Variants in CASR observed in about 807,000 individuals in gnomAD.
CASR encodes the protein extracellular calcium-sensing receptor.
In CASR, 23 loss-of-function variants were observed where a neutral mutation model predicts 69.1. The ratio of observed to expected loss-of-function variants is 0.33; its 90% CI spans 0.24 to 0.47. The LOEUF (loss-of-function observed/expected upper bound fraction) is 0.47, where lower values mean the gene tolerates loss of function less well. Among genes scored for constraint, CASR ranks in the 20% least tolerant of loss-of-function variants. CASR has a pLI of 1.00. For synonymous variants in CASR, 541 were observed against 544.7 expected (o/e 0.99, Z 0.10); for missense variants, 924 against 1,356.1 (o/e 0.68, Z 5.00).
intron 4 of CASR, among the ~76,000 whole-genome samples, chr3:122,264,488 C>A (rs2074664418): frequency 3.9e-5 from 6 of 152,166 alleles, no homozygotes; most frequent in Admixed American, 3.9e-4. Flanking sequence ...AGTGGGAAGT[C>A]AGGATGCCAT....
At chr3:122,261,408 A>C in intron 3 of CASR, 120 bp from the exon 4 acceptor site, 1 of 851,746 alleles carries the variant, frequency 1.2e-6, no homozygotes, top group Non-Finnish European at 2.0e-6. Context: ...AGTGAACAGC[A>C]TAGTTGATAA....
rs138296606 is a variant in CASR, at chr3:122,217,990, C to T, written c.-243+34178C>T. ...GTTGTAGGAGACTAAACAAGGCAGG[C>T]ATGGTCTCATTGCAGACCCTGTTAA... On this transcript the variant is annotated intron_variant, in intron 1 of 6. Coordinates refer to ENST00000639785, the MANE Select transcript of CASR (RefSeq NM_000388.4). 2.5e-3 allele frequency among the ~76,000 whole-genome samples: 383 copies of T among 152,126 alleles called. 1 individual carries two copies. The highest frequency in any genetic ancestry group is 8.9e-3 in the African/African-American group (368 of 41,524).
intron 3 of CASR, chr3:122,257,680 A>G (rs541066288): frequency 6.5e-6 from 2 of 308,090 alleles, no homozygotes; most frequent in Non-Finnish European, 6.0e-6. Context: ...CTATTCCTTT[A>G]GTAAATTTTT....
intron 1 of CASR, among the ~76,000 whole-genome samples, chr3:122,201,223 A>G (rs1350787635): frequency 6.6e-6 from 1 of 152,118 alleles, no homozygotes; most frequent in Non-Finnish European, 1.5e-5. Flanking sequence ...TGTTGCCTTC[A>G]AGCATCTGTT....
At chr3:122,221,390 A>G (rs568947016) in intron 1 of CASR, among the ~76,000 whole-genome samples, 1 of 152,232 alleles carries the variant, frequency 6.6e-6, no homozygotes, top group East Asian at 1.9e-4. Flanking sequence ...CAGCTCTAGG[A>G]CACCCCTGCC....
chr3:122,270,618 TTATAA>T (rs1456246312), intron 4 of CASR, among the ~76,000 whole-genome samples: 1 of 152,226 alleles, frequency 6.6e-6, no homozygotes, highest in Non-Finnish European at 1.5e-5. Flanking sequence ...CTTTCTTTTC[TTATAA>T]TATAGACATT....
intron 4 of CASR, among the ~76,000 whole-genome samples, chr3:122,265,964 A>G (rs557741981): frequency 1.3e-5 from 2 of 152,300 alleles, no homozygotes; most frequent in East Asian, 3.9e-4. Flanking sequence ...ATAAGAAAAC[A>G]TGGCTGGCGT....
chr3:122,211,304 T>C (rs2074062733), intron 1 of CASR, among the ~76,000 whole-genome samples: 1 of 152,112 alleles, frequency 6.6e-6, no homozygotes, highest in African/African-American at 2.4e-5. Flanking sequence ...AACAGACAAC[T>C]TACAGAATGG....
chr3:122,266,287 G>C (rs183026961), intron 4 of CASR, among the ~76,000 whole-genome samples: 45 of 151,986 alleles, frequency 3.0e-4, no homozygotes, highest in African/African-American at 8.7e-4. Flanking sequence ...GCATAAAAGA[G>C]TATGTTAGCT....
Position 122,284,112 on chromosome 3 carries a change from G to T in CASR, c.2158G>T (p.Gly720Trp). The change falls in exon 7 of 7, where the codon GGG becomes TGG. Residue 720 changes from glycine (G) to tryptophan (W), a missense_variant. By Grantham distance (184) the Gly-to-Trp change is radical. This residue lies in a region of CASR where 184 missense variants were observed against 278.8 expected (regional missense o/e 0.66). Coordinates refer to ENST00000639785, the MANE Select transcript of CASR (RefSeq NM_000388.4). Reference sequence around the variant, plus strand: ...CACCAGCTTCCACCGCAAGTGGTGGGGGCTCAACCTGCAGTTCCTGCTGGT... The same window carrying T: ...CACCAGCTTCCACCGCAAGTGGTGGTGGCTCAACCTGCAGTTCCTGCTGGT... Reference protein sequence around the residue: ...IPTSFHRKWWGLNLQFLLVFL... With the variant: ...IPTSFHRKWWWLNLQFLLVFL... The T allele has an allele frequency of 6.2e-7, 1 of 1,614,070 alleles. No individual in the cohort carries two copies. The highest frequency in any genetic ancestry group is 8.5e-7 in the Non-Finnish European group (1 of 1,179,966).
At chr3:122,232,000 G>A (rs921222268) in intron 1 of CASR, among the ~76,000 whole-genome samples, 2 of 152,128 alleles carry the variant, frequency 1.3e-5, no homozygotes, top group African/African-American at 2.4e-5. Flanking sequence ...GATAGCCATC[G>A]CAGGAAGGAC....
Position 122,284,980 on chromosome 3 carries a change from G to T in CASR, c.3026G>T (p.Arg1009Leu), listed in dbSNP as rs761030318. 6.2e-7 allele frequency: 1 copy of T among 1,614,140 alleles called. No individual in the cohort carries two copies. The highest frequency in any genetic ancestry group is 8.5e-7 in the Non-Finnish European group (1 of 1,180,030). ...CAGAAAAGCAGCGATACGCTGACCC[G>T]ACACGAGCCATTACTCCCGCTGCAG... The part of the protein sequence containing the change: ...EAQKSSDTLT[R>L]HEPLLPLQCG... Residue 1009 changes from arginine (R) to leucine (L), a missense_variant, in exon 7 of 7, where the codon CGA becomes CTA. By Grantham distance (102) the Arg-to-Leu change is moderately radical. Coordinates refer to ENST00000639785, the MANE Select transcript of CASR (RefSeq NM_000388.4).
chr3:122,207,307 A>G (rs190842096), intron 1 of CASR, among the ~76,000 whole-genome samples: 1 of 152,184 alleles, frequency 6.6e-6, no homozygotes, highest in Non-Finnish European at 1.5e-5. Context: ...AAACTACACA[A>G]CACACCTAAT....
At chr3:122,241,504 C>G (rs1402181963) in intron 1 of CASR, among the ~76,000 whole-genome samples, 1 of 151,944 alleles carries the variant, frequency 6.6e-6, no homozygotes, top group East Asian at 1.9e-4. Flanking sequence ...CCTGAACAGA[C>G]CAATAAAAAG....
intron 1 of CASR, among the ~76,000 whole-genome samples, chr3:122,250,965 T>C (rs1469709691): frequency 6.6e-6 from 1 of 152,114 alleles, no homozygotes; most frequent in Admixed American, 6.6e-5. Flanking sequence ...TCCCAGCACA[T>C]GTACTTATTA....
chr3:122,214,279 A>C (rs1576826573), intron 1 of CASR, among the ~76,000 whole-genome samples: 1 of 136,666 alleles, frequency 7.3e-6, no homozygotes, highest in Non-Finnish European at 1.5e-5. Flanking sequence ...AACAAAGGGC[A>C]TTCTTCAGAA....
At chr3:122,241,328 T>C (rs1258077587) in intron 1 of CASR, among the ~76,000 whole-genome samples, 1 of 151,626 alleles carries the variant, frequency 6.6e-6, no homozygotes, top group Non-Finnish European at 1.5e-5. Context: ...ATAAATAAAA[T>C]CAGAGATGAA....
At chr3:122,279,919 C>T (rs1408576681) in intron 5 of CASR, among the ~76,000 whole-genome samples, 1 of 152,152 alleles carries the variant, frequency 6.6e-6, no homozygotes, top group East Asian at 1.9e-4. Flanking sequence ...TTAAACCCAG[C>T]ATGCACTAGC....
At chr3:122,213,623 C>A (rs1024598296) in intron 1 of CASR, among the ~76,000 whole-genome samples, 3 of 152,170 alleles carry the variant, frequency 2.0e-5, no homozygotes, top group Non-Finnish European at 2.9e-5. Flanking sequence ...TCTTGGTCCT[C>A]CTGGTCCTTG....
Sources: allele counts gnomAD v4.1 joint callset (sites outside exome capture counted in the v4.1 genomes callset), GRCh38; gene constraint gnomAD v4.1.1; regional missense constraint gnomAD v4.1.1; transcripts MANE v1.5; gene names NCBI Gene and HGNC (gene_info 2026-07-23, HGNC 2026-07-21).